Variants in ZNF541 observed in about 807,000 individuals in gnomAD.
ZNF541 encodes zinc finger protein 541.
Under a neutral mutation model 123.5 loss-of-function variants are expected in ZNF541, and 23 were observed. The observed-to-expected ratio is 0.19, with a 90% CI of 0.13 to 0.26. ZNF541 has a LOEUF of 0.26. Among genes scored for constraint, ZNF541 ranks in the 10% least tolerant of loss-of-function variants. ZNF541 has a pLI of 1.00. For synonymous variants in ZNF541, 751 were observed against 754.5 expected (o/e 1.00, Z 0.08); for missense variants, 1,612 against 1,789.9 (o/e 0.90, Z 1.79).
At chr19:47,572,471 C>T (rs1483278906) in intron 1 of ZNF541, among the ~76,000 whole-genome samples, 2 of 151,024 alleles carry the variant, frequency 1.3e-5, no homozygotes, top group African/African-American at 4.9e-5. Flanking sequence ...TGATCCTGAA[C>T]GGATGAAAAA....
chr19:47,528,878 C>T (rs914173500), intron 14 of ZNF541, 72 bp downstream of exon 14: 4 of 1,315,444 alleles, frequency 3.0e-6, no homozygotes, highest in South Asian at 1.3e-5. Context: ...CGACCCCCGA[C>T]CAGCCCTGCA....
intron 3 of ZNF541, among the ~76,000 whole-genome samples, chr19:47,550,407 AGAAAG>A (rs1256723331): frequency 1.3e-5 from 2 of 151,946 alleles, no homozygotes; most frequent in Non-Finnish European, 2.9e-5. Flanking sequence ...AAGCAAAGAA[AGAAAG>A]GAAAGAAAAA....
In ZNF541 at chr19:47,520,788, A is replaced by G. The variant is rs1199054332; in HGVS notation, c.*436T>C. On this transcript the variant is annotated 3_prime_UTR_variant, in exon 17 of 17. Coordinates refer to ENST00000391901, the MANE Select transcript of ZNF541 (RefSeq NM_001277075.3). ...AGACTAGGGACTGAATCTGGAAGGTAGAGTCCCCGCCCCAGGGAGGGGCCC... is the reference window on the plus strand; with the variant it reads ...AGACTAGGGACTGAATCTGGAAGGTGGAGTCCCCGCCCCAGGGAGGGGCCC... The G allele has an allele frequency of 6.1e-6, 1 of 163,778 alleles. No homozygotes were observed. The highest frequency in any genetic ancestry group is 1.3e-5 in the Non-Finnish European group (1 of 75,300). The allele number at this position is 163,778 out of a possible 1,614,324, so 10.1% of individuals were successfully genotyped here. A position where few individuals can be genotyped will look rare whatever the true frequency, so the allele number is the denominator to read the frequency against.
chr19:47,560,576 CAAAA>C (rs77981071), intron 2 of ZNF541, among the ~76,000 whole-genome samples: 2 of 53,792 alleles, frequency 3.7e-5, no homozygotes, highest in African/African-American at 1.3e-4. Context: ...AACTCTGTCC[CAAAA>C]AAAAAAAAAA....
At chr19:47,558,215 G>C (rs1423063737) in intron 2 of ZNF541, among the ~76,000 whole-genome samples, 1 of 152,130 alleles carries the variant, frequency 6.6e-6, no homozygotes, top group East Asian at 1.9e-4. Flanking sequence ...AGGAGATCGA[G>C]ACCATCCCGG....
At chr19:47,551,904 C>T (rs1455124343) in intron 3 of ZNF541, among the ~76,000 whole-genome samples, 2 of 152,132 alleles carry the variant, frequency 1.3e-5, no homozygotes, top group Non-Finnish European at 2.9e-5. Flanking sequence ...GTCACCCACG[C>T]TGGAGTGCAA....
intron 14 of ZNF541, among the ~76,000 whole-genome samples, chr19:47,528,670 A>C (rs921515080): frequency 6.6e-6 from 1 of 152,070 alleles, no homozygotes; most frequent in Non-Finnish European, 1.5e-5. Flanking sequence ...TTGTACAGAC[A>C]GAAATGCCTG....
In ZNF541 at chr19:47,567,251, A is replaced by G. The variant is rs903352303; in HGVS notation, c.-99+4645T>C. On this transcript the variant is annotated intron_variant, in intron 2 of 16. Transcript: ENST00000391901. Reference sequence around the variant, plus strand: ...CTTTATTTTATTTAAGTTTAGTTAAATTTATTTATTTATTTATTTATTTAG... The same window carrying G: ...CTTTATTTTATTTAAGTTTAGTTAAGTTTATTTATTTATTTATTTATTTAG... Among the ~76,000 whole-genome samples, 3 of 151,166 alleles carry G rather than the reference A, an allele frequency of 2.0e-5. No individual in the cohort carries two copies. In the East Asian group the frequency reaches 5.8e-4, roughly 29 times the overall value.
chr19:47,542,968 AAAAAT>A (rs934435232), intron 5 of ZNF541, among the ~76,000 whole-genome samples: 1 of 151,928 alleles, frequency 6.6e-6, no homozygotes, highest in African/African-American at 2.4e-5. Context: ...AATAAATTTA[AAAAAT>A]AAAATAAAGT....
intron 9 of ZNF541, among the ~76,000 whole-genome samples, chr19:47,534,049 A>G (rs546111626): frequency 1.3e-5 from 2 of 152,294 alleles, no homozygotes; most frequent in Non-Finnish European, 2.9e-5. Flanking sequence ...CATAGACAGA[A>G]TATCATTAAG....
At chr19:47,557,043 C>G (rs746442958) in intron 2 of ZNF541, among the ~76,000 whole-genome samples, 4 of 152,272 alleles carry the variant, frequency 2.6e-5, no homozygotes, top group African/African-American at 9.6e-5. Flanking sequence ...CAGGCGTGAG[C>G]CACTGAGTCC....
At chr19:47,558,905 C>T (rs888012056) in intron 2 of ZNF541, among the ~76,000 whole-genome samples, 28 of 151,882 alleles carry the variant, frequency 1.8e-4, no homozygotes, top group Admixed American at 7.9e-4. Flanking sequence ...CCCCCGCGCC[C>T]GGCTAACTTT....
intron 2 of ZNF541, among the ~76,000 whole-genome samples, chr19:47,558,813 C>T (rs2123328522): frequency 6.6e-6 from 1 of 151,348 alleles, no homozygotes; most frequent in East Asian, 2.0e-4. Context: ...GGCGCCATCT[C>T]CGCTCACTGC....
At chr19:47,561,268 T>C (rs935359141) in intron 2 of ZNF541, among the ~76,000 whole-genome samples, 1 of 152,002 alleles carries the variant, frequency 6.6e-6, no homozygotes, top group African/African-American at 2.4e-5. Flanking sequence ...CCTGTCTCTA[T>C]GAAAAAAAAT....
intron 2 of ZNF541, among the ~76,000 whole-genome samples, chr19:47,566,016 A>C (rs1039378586): frequency 1.3e-5 from 2 of 152,028 alleles, no homozygotes; most frequent in Admixed American, 6.6e-5. Flanking sequence ...GTCTCTACTA[A>C]AAATACAAAA....
rs144896863 is a variant in ZNF541, at chr19:47,521,968, G to A, written c.3597C>T (p.Cys1199=). The A allele has an allele frequency of 5.6e-4, 872 of 1,552,066 alleles. 2 individuals carry two copies. In the African/African-American group the frequency reaches 0.011, roughly 19 times the overall value. ...KMIQTKTVAQ[C]VEYYYIWKKM... Reference sequence around the variant, plus strand: ...TTTTCCAGATGTAATAATACTCAACGCACTGAGCTACCGTCTTTGTCTGGA... The same window carrying A: ...TTTTCCAGATGTAATAATACTCAACACACTGAGCTACCGTCTTTGTCTGGA... Residue 1199 remains cysteine (C), a synonymous_variant, in exon 15 of 17, where the codon TGC becomes TGT. Coordinates refer to ENST00000391901, the MANE Select transcript of ZNF541 (RefSeq NM_001277075.3). The surrounding 1 kb of genome is among the most constrained non-coding windows in gnomAD (Gnocchi z 4.2).
intron 2 of ZNF541, among the ~76,000 whole-genome samples, chr19:47,562,619 T>C (rs1235763810): frequency 6.6e-6 from 1 of 152,052 alleles, no homozygotes; most frequent in Admixed American, 6.5e-5. Context: ...TCATGGAAGC[T>C]TGAGAAAAAT....
chr19:47,526,496 A>AAAAAAAAAAAAG (rs573697191), intron 14 of ZNF541, among the ~76,000 whole-genome samples: 2 of 137,362 alleles, frequency 1.5e-5, no homozygotes, highest in African/African-American at 3.0e-5. Context: ...AAAAAAAAAA[A>AAAAAAAAAAAAG]AAAAGAAAAC....
intron 14 of ZNF541, 37 bp downstream of exon 14, chr19:47,528,913 A>T (rs372504690): frequency 1.3e-6 from 2 of 1,510,780 alleles, no homozygotes; most frequent in South Asian, 2.4e-5. Context: ...CAGCTGTGTG[A>T]GGCAGGGCCT....
Sources: allele counts gnomAD v4.1 joint callset (sites outside exome capture counted in the v4.1 genomes callset), GRCh38; gene constraint gnomAD v4.1.1; non-coding constraint Gnocchi (gnomAD v3.1); transcripts MANE v1.5; gene names NCBI Gene and HGNC (gene_info 2026-07-23, HGNC 2026-07-21).